COG7: variants seen among roughly 807,000 people sequenced by gnomAD.
COG7 encodes component of oligomeric golgi complex 7, also known as conserved oligomeric Golgi complex subunit 7.
Under a neutral mutation model 91.5 loss-of-function variants are expected in COG7, and 49 were observed. That is an observed-to-expected ratio of 0.54 (90% confidence interval 0.43 to 0.68). The LOEUF (loss-of-function observed/expected upper bound fraction) is 0.68, where lower values mean the gene tolerates loss of function less well. Ranked by LOEUF, COG7 falls within the 30% of genes least tolerant of loss-of-function variation. The pLI is 0.00. For synonymous variants in COG7, 365 were observed against 388.7 expected (o/e 0.94, Z 0.72); for missense variants, 895 against 961.3 (o/e 0.93, Z 0.91).
chr16:23,390,573 G>C (rs1381965197), intron 16 of COG7, among the ~76,000 whole-genome samples: 1 of 151,938 alleles, frequency 6.6e-6, no homozygotes, highest in Non-Finnish European at 1.5e-5. Flanking sequence ...CTCCAGGCAA[G>C]GCCTCAACTT....
At position 23,413,581 on chromosome 16, in the gene COG7, GA is replaced by G; in HGVS notation, c.1293-18del. The G allele has an allele frequency of 1.5e-6, 2 of 1,349,722 alleles. No individual in the cohort carries two copies. The highest frequency in any genetic ancestry group is 2.1e-6 in the Non-Finnish European group (2 of 938,586). The allele number at this position is 1,349,722 out of a possible 1,614,324, so 83.6% of individuals were successfully genotyped here. A position where few individuals can be genotyped will look rare whatever the true frequency, so the allele number is the denominator to read the frequency against. ...GACACATACCTGCCGGGAAAGGGAA[GA>G]AAATGGTAGGGAGGTCACCACTGAT... On this transcript the variant is annotated intron_variant, in intron 9 of 16. Transcript: ENST00000307149.
chr16:23,395,156 T>A (rs1161105136), intron 14 of COG7, among the ~76,000 whole-genome samples: 1 of 152,218 alleles, frequency 6.6e-6, no homozygotes, highest in Non-Finnish European at 1.5e-5. Flanking sequence ...AAATCATTTT[T>A]TTCTTTCATG....
chr16:23,426,792 C>CAG (rs1479211817), intron 6 of COG7, among the ~76,000 whole-genome samples: 1 of 108,582 alleles, frequency 9.2e-6, no homozygotes, highest in Non-Finnish European at 1.8e-5. Flanking sequence ...AACAAAGAAC[C>CAG]AGAAGTCCTA....
At chr16:23,404,748 T>C (rs1963432469) in intron 12 of COG7, among the ~76,000 whole-genome samples, 1 of 152,190 alleles carries the variant, frequency 6.6e-6, no homozygotes. Flanking sequence ...GGTGAAACCC[T>C]TTCTTTACTA....
intron 1 of COG7, among the ~76,000 whole-genome samples, chr16:23,449,665 C>A (rs1269896390): frequency 6.7e-6 from 1 of 150,016 alleles, no homozygotes; most frequent in Non-Finnish European, 1.5e-5. Flanking sequence ...TGCTTGAACC[C>A]GAGAGGCGGA....
intron 13 of COG7, 89 bp from the exon 14 acceptor site, chr16:23,398,218 C>T: frequency 9.4e-7 from 1 of 1,061,214 alleles, no homozygotes; most frequent in Admixed American, 1.8e-5. Context: ...AGAACATGGC[C>T]TTCCCTGGAG....
chr16:23,419,341 G>A (rs1963711884), intron 7 of COG7, among the ~76,000 whole-genome samples: 1 of 151,434 alleles, frequency 6.6e-6, no homozygotes, highest in Non-Finnish European at 1.5e-5. Context: ...AACCTGGGAG[G>A]TGGAGGTTGT....
intron 10 of COG7, 109 bp downstream of exon 10, chr16:23,413,339 G>C (rs1019484504): frequency 3.9e-6 from 3 of 775,276 alleles, no homozygotes; most frequent in African/African-American, 3.4e-5. Context: ...GGCAGTGAAA[G>C]AAAAAAAACG....
chr16:23,416,992 A>C lies in COG7; in HGVS notation c.1267T>G (p.Ser423Ala). ...TNGLGTCGLL[S>A]ALKSLFAKYV... is the part of the protein sequence containing the mutation. ...TTGGCAAAGAGGGATTTCAGGGCTG[A>C]CAACAGGCCGCAGGTCCCCAGGCCA... The change falls in exon 9 of 17, where the codon TCA (serine) becomes GCA (alanine). Residue 423 changes from serine to alanine, a missense_variant. Transcript: ENST00000307149. 1 of 1,614,232 alleles carries C rather than the reference A, an allele frequency of 6.2e-7. No homozygotes were observed. Among genetic ancestry groups the C allele is most frequent in the Non-Finnish European group, 8.5e-7 (1 of 1,180,034 alleles).
chr16:23,430,392 G>A (rs1004329553), intron 6 of COG7, among the ~76,000 whole-genome samples: 3 of 150,036 alleles, frequency 2.0e-5, no homozygotes, highest in South Asian at 2.1e-4. Flanking sequence ...TCATGCCACC[G>A]TACTCCAGTG....
chr16:23,409,068 T>G (rs1454126638), intron 11 of COG7, among the ~76,000 whole-genome samples: 3 of 130,318 alleles, frequency 2.3e-5, no homozygotes, highest in African/African-American at 9.7e-5. Flanking sequence ...TGCATGCGTG[T>G]GTGTGTGTGT....
At chr16:23,422,029 G>C (rs752670081) in intron 7 of COG7, among the ~76,000 whole-genome samples, 18 of 151,976 alleles carry the variant, frequency 1.2e-4, no homozygotes, top group Non-Finnish European at 2.4e-4. Context: ...TAGTAAATTG[G>C]CCAGGTGTGG....
Position 23,433,644 on chromosome 16 carries a change from T to C in COG7, c.711A>G (p.Gln237=), listed in dbSNP as rs1963968171. ...GGGATAGGTCACTTTGACACAGCTCTTGCCAGGCTGCTAAAAGCTGCACCT... is the reference window on the plus strand; with the variant it reads ...GGGATAGGTCACTTTGACACAGCTCCTGCCAGGCTGCTAAAAGCTGCACCT... The part of the protein sequence containing the change: ...CHKVQLLAAW[Q]ELCQSDLSLD... The change falls in exon 6 of 17, where the codon CAA becomes CAG. Residue 237 remains glutamine (Q), a synonymous_variant. Transcript: ENST00000307149. 6.2e-7 allele frequency: 1 copy of C among 1,613,880 alleles called. No individual in the cohort carries two copies. Among genetic ancestry groups the C allele is most frequent in the African/African-American group, 1.3e-5 (1 of 74,900 alleles).
chr16:23,439,785 C>T (rs183938828), intron 4 of COG7, among the ~76,000 whole-genome samples: 3 of 152,226 alleles, frequency 2.0e-5, no homozygotes, highest in East Asian at 3.9e-4. Flanking sequence ...GTGATGTTTG[C>T]ACAGCAACGT....
chr16:23,397,062 C>A (rs1447929151), intron 14 of COG7, among the ~76,000 whole-genome samples: 1 of 152,080 alleles, frequency 6.6e-6, no homozygotes. Flanking sequence ...GGACACACCA[C>A]CATGCCTGGA....
At chr16:23,405,950 G>T (rs1050093530) in intron 12 of COG7, 126 bp downstream of exon 12, 1 of 822,546 alleles carries the variant, frequency 1.2e-6, no homozygotes, top group Non-Finnish European at 2.1e-6. Context: ...GAGACAGAGA[G>T]GTAGTAGCAG....
rs1266923332 is a variant in COG7, at chr16:23,410,196, A to G, written c.1475+99T>C. On this transcript the variant is annotated intron_variant, in intron 11 of 16. Transcript: ENST00000307149. The stretch of plus-strand genomic sequence containing the variant: ...ACAGTCCTCCAGCCCTGTGGCCTTC[A>G]CATCTGGCATATGCTGTCCTTGCTG... 27 of 913,126 alleles carry G rather than the reference A, an allele frequency of 3.0e-5. No homozygotes were observed. The Admixed American group carries it at 5.2e-4, about 18-fold the overall frequency. 56.6% of individuals were successfully genotyped at this position (913,126 alleles called of 1,614,324 possible). A position where few individuals can be genotyped will look rare whatever the true frequency, so the allele number is the denominator to read the frequency against.
chr16:23,393,208 A>T, intron 15 of COG7, 25 bp downstream of exon 15: 1 of 1,551,098 alleles, frequency 6.4e-7, no homozygotes, highest in South Asian at 1.1e-5. Context: ...GACTTGTAAC[A>T]TCGCCAGAAA....
At chr16:23,394,453 C>A (rs537275415) in intron 14 of COG7, among the ~76,000 whole-genome samples, 1 of 150,382 alleles carries the variant, frequency 6.6e-6, no homozygotes, top group South Asian at 2.1e-4. Context: ...AGGGGGTTGA[C>A]TTTTCAGGTT....
Sources: gnomAD v4.1 joint callset for allele counts (sites outside exome capture counted in the v4.1 genomes callset) on GRCh38, gnomAD v4.1.1 for gene constraint, MANE v1.5 for transcripts, NCBI Gene and HGNC (gene_info 2026-07-23, HGNC 2026-07-21) for gene names.